The following ARG1 variants were observed in gnomAD, a reference collection of about 807,000 sequenced individuals.
ARG1 encodes arginase 1.
Under a neutral mutation model 33.0 loss-of-function variants are expected in ARG1, and 20 were observed. The ratio of observed to expected loss-of-function variants is 0.61; its 90% CI spans 0.43 to 0.88. The LOEUF (loss-of-function observed/expected upper bound fraction) is 0.88, where lower values mean the gene tolerates loss of function less well. Ranked by LOEUF, ARG1 falls within the 40% of genes least tolerant of loss-of-function variation. ARG1 has a pLI of 0.00. For synonymous variants in ARG1, 146 were observed against 140.6 expected (o/e 1.04, Z -0.27); for missense variants, 374 against 384.7 (o/e 0.97, Z 0.23).
chr6:131,582,849 T>G lies in ARG1; in HGVS notation c.560+134T>G, dbSNP rs113212943. 6.1e-6 allele frequency: 5 copies of G among 819,350 alleles called. No homozygotes were observed. The East Asian group carries it at 1.3e-4, about 21-fold the overall frequency. The allele number at this position is 819,350 out of a possible 1,614,324, so 50.8% of individuals were successfully genotyped here. A position where few individuals can be genotyped will look rare whatever the true frequency, so the allele number is the denominator to read the frequency against. On this transcript the variant is annotated intron_variant, in intron 5 of 7. Coordinates refer to ENST00000368087, the MANE Select transcript of ARG1 (RefSeq NM_000045.4). ...CACACACATGCCCACACACATATAT[T>G]TATATACATGTACATACATATGTAT... is the stretch of plus-strand genomic sequence containing the variant.
chr6:131,573,280 A>C lies in ARG1; in HGVS notation c.-3A>C, dbSNP rs1257656358. The C allele has an allele frequency of 6.2e-7, 1 of 1,614,086 alleles. No homozygotes were observed. The highest frequency in any genetic ancestry group is 8.5e-7 in the Non-Finnish European group (1 of 1,179,972). On this transcript the variant is annotated 5_prime_UTR_variant, in exon 1 of 8. Transcript: ENST00000368087. ...CAAGTGCAGCAAAGAGAAGTGTCAGAGCATGAGCGCCAAGTCCAGAACCAT... is the reference window on the plus strand; with the variant it reads ...CAAGTGCAGCAAAGAGAAGTGTCAGCGCATGAGCGCCAAGTCCAGAACCAT...
At chr6:131,579,374 GA>G (rs1411733998) in intron 3 of ARG1, 89 bp downstream of exon 3, 13 of 1,433,696 alleles carry the variant, frequency 9.1e-6, no homozygotes, top group East Asian at 4.8e-5. Context: ...AATATAGACA[GA>G]AAAGCATTGA....
chr6:131,581,833 A>G (rs1168279411), intron 4 of ARG1, among the ~76,000 whole-genome samples: 1 of 152,238 alleles, frequency 6.6e-6, no homozygotes, highest in Non-Finnish European at 1.5e-5. Context: ...AAAATTTCAG[A>G]TATAATGGTT....
chr6:131,581,473 C>A lies in ARG1; in HGVS notation c.465+95C>A, dbSNP rs1391537167. 13 of 1,373,350 alleles carry A rather than the reference C, an allele frequency of 9.5e-6. 1 individual carries two copies. The highest frequency in any genetic ancestry group is 1.2e-5 in the Non-Finnish European group (12 of 996,158). 85.1% of individuals were successfully genotyped at this position (1,373,350 alleles called of 1,614,324 possible). On this transcript the variant is annotated intron_variant, in intron 4 of 7. Transcript: ENST00000368087. ...ATGAGAAACTCCATGTTATCTTATT[C>A]TTGGTGTAATCTCAAATCATTTTCT... is the stretch of plus-strand genomic sequence containing the variant.
chr6:131,582,992 C>T (rs991201242), intron 5 of ARG1, 68 bp from the exon 6 acceptor site: 1 of 1,093,450 alleles, frequency 9.1e-7, no homozygotes, highest in African/African-American at 1.6e-5. Context: ...TTTATATTTC[C>T]CTTAAAAGGA....
Position 131,584,129 on chromosome 6 carries a change from ACTTATC to A in ARG1, c.*226_*231del, listed in dbSNP as rs1774082495. On this transcript the variant is annotated 3_prime_UTR_variant, in exon 8 of 8. Coordinates refer to ENST00000368087, the MANE Select transcript of ARG1 (RefSeq NM_000045.4). ...CTTATATTTTCTAACTTGGCAAAAG[ACTTATC>A]CTTAGAAAGAGAAGTGTACATTGAT... 2 of 558,108 alleles carry A rather than the reference ACTTATC, an allele frequency of 3.6e-6. No homozygotes were observed. The highest frequency in any genetic ancestry group is 6.6e-5 in the East Asian group (2 of 30,272). 34.6% of individuals were successfully genotyped at this position (558,108 alleles called of 1,614,324 possible).
intron 4 of ARG1, 36 bp downstream of exon 4, chr6:131,581,414 A>ACTT: frequency 6.3e-7 from 1 of 1,587,974 alleles, no homozygotes; most frequent in Non-Finnish European, 8.6e-7. Context: ...GCAATAGAAT[A>ACTT]CTTTTTAGTA....
intron 7 of ARG1, 119 bp from the exon 8 acceptor site, chr6:131,583,623 A>G: frequency 6.6e-7 from 1 of 1,517,474 alleles, no homozygotes; most frequent in East Asian, 2.4e-5. Context: ...GCAATAACTA[A>G]AGTGTTTTCC....
intron 2 of ARG1, among the ~76,000 whole-genome samples, chr6:131,577,291 C>T (rs1773665651): frequency 6.6e-6 from 1 of 152,112 alleles, no homozygotes; most frequent in Non-Finnish European, 1.5e-5. Context: ...CTGGAACCCT[C>T]ATATATTTCT....
chr6:131,577,940 AAC>A (rs1196636166), intron 2 of ARG1, among the ~76,000 whole-genome samples: 2 of 151,982 alleles, frequency 1.3e-5, no homozygotes, highest in East Asian at 1.9e-4. Context: ...ATGGACCGCA[AAC>A]ACAGGCAAAA....
intron 3 of ARG1, 144 bp downstream of exon 3, chr6:131,579,429 AG>A (rs1294479808): frequency 5.7e-6 from 5 of 876,318 alleles, no homozygotes; most frequent in Non-Finnish European, 8.6e-6. Context: ...AAAATTTTAT[AG>A]GTTACTTTTA....
At chr6:131,581,157 T>C (rs1015611817) in intron 3 of ARG1, 62 bp from the exon 4 acceptor site, 121 of 1,535,452 alleles carry the variant, frequency 7.9e-5, no homozygotes, top group Non-Finnish European at 1.9e-5. Context: ...ATTGAGTGAA[T>C]AATATGATGT....
At position 131,584,138 on chromosome 6, in the gene ARG1, T is replaced by G. The variant is rs1774083272; in HGVS notation, c.*230T>G. 1 of 537,616 alleles carries G rather than the reference T, an allele frequency of 1.9e-6. No homozygotes were observed. Among genetic ancestry groups the G allele is most frequent in the South Asian group, 2.2e-5 (1 of 46,026 alleles). The allele number at this position is 537,616 out of a possible 1,614,324, so 33.3% of individuals were successfully genotyped here. A position where few individuals can be genotyped will look rare whatever the true frequency, so the allele number is the denominator to read the frequency against. On this transcript the variant is annotated 3_prime_UTR_variant, in exon 8 of 8. Coordinates refer to ENST00000368087, the MANE Select transcript of ARG1 (RefSeq NM_000045.4). ...TCTAACTTGGCAAAAGACTTATCCT[T>G]AGAAAGAGAAGTGTACATTGATTTC...
In ARG1 at chr6:131,583,847, G is replaced by A; in HGVS notation, c.908G>A (p.Cys303Tyr). 1.9e-6 allele frequency: 3 copies of A among 1,614,118 alleles called. No homozygotes were observed. The highest frequency in any genetic ancestry group is 2.5e-6 in the Non-Finnish European group (3 of 1,179,986). Reference protein sequence around the residue: ...VNTAVAITLACFGLAREGNHK... With the variant: ...VNTAVAITLAYFGLAREGNHK... ...ACAGCAGTTGCAATAACCTTGGCTT[G>A]TTTCGGACTTGCTCGGGAGGGTAAT... The change falls in exon 8 of 8, where the codon TGT (cysteine) becomes TAT (tyrosine). Residue 303 changes from cysteine (C) to tyrosine (Y), a missense_variant. Cys to Tyr is a radical substitution (Grantham distance 194). Coordinates refer to ENST00000368087, the MANE Select transcript of ARG1 (RefSeq NM_000045.4).
At chr6:131,577,395 T>C (rs1773670482) in intron 2 of ARG1, among the ~76,000 whole-genome samples, 2 of 152,156 alleles carry the variant, frequency 1.3e-5, no homozygotes, top group Non-Finnish European at 2.9e-5. Context: ...GTTCTACTCC[T>C]GGGTGCAGAG....
intron 2 of ARG1, among the ~76,000 whole-genome samples, chr6:131,577,906 A>G (rs1412799951): frequency 7.0e-6 from 1 of 143,300 alleles, no homozygotes; most frequent in Non-Finnish European, 1.5e-5. Context: ...TCCATCTCCA[A>G]AAAAAAAAAA....
At chr6:131,574,636 G>C (rs1015756639) in intron 1 of ARG1, among the ~76,000 whole-genome samples, 10 of 152,122 alleles carry the variant, frequency 6.6e-5, no homozygotes, top group Non-Finnish European at 1.5e-4. Context: ...TCATAGAGTA[G>C]AGAGGATAAA....
chr6:131,579,057 G>T, intron 2 of ARG1, 54 bp from the exon 3 acceptor site: 1 of 1,589,674 alleles, frequency 6.3e-7, no homozygotes, highest in South Asian at 1.1e-5. Context: ...ATCCTACACA[G>T]ACTGATTTAT....
At position 131,579,234 on chromosome 6, in the gene ARG1, C is replaced by T; in HGVS notation, c.254C>T (p.Ala85Val). The part of the protein sequence containing the change: ...KASEQLAGKV[A>V]EVKKNGRISL... ...AGCGAGCAGCTGGCTGGCAAGGTGG[C>T]AGAAGTCAAGAAGAACGGAAGAATC... Residue 85 changes from alanine to valine, a missense_variant, in exon 3 of 8, where the codon GCA becomes GTA. By Grantham distance (64) the Ala-to-Val change is moderately conservative. Transcript: ENST00000368087. 1 of 1,613,990 alleles carries T rather than the reference C, an allele frequency of 6.2e-7. No homozygotes were observed. The highest frequency in any genetic ancestry group is 1.1e-5 in the South Asian group (1 of 91,068).
Sources: allele counts gnomAD v4.1 joint callset (sites outside exome capture counted in the v4.1 genomes callset), GRCh38; gene constraint gnomAD v4.1.1; transcripts MANE v1.5; gene names NCBI Gene and HGNC (gene_info 2026-07-23, HGNC 2026-07-21).